The following DYNC2H1 variants were observed in gnomAD, a reference collection of about 807,000 sequenced individuals.
DYNC2H1 encodes dynein cytoplasmic 2 heavy chain 1, also known as cytoplasmic dynein 2 heavy chain 1.
Under a neutral mutation model 570.0 loss-of-function variants are expected in DYNC2H1, and 410 were observed. The ratio of observed to expected loss-of-function variants is 0.72; its 90% CI spans 0.66 to 0.78. The LOEUF is 0.78. Ranked by LOEUF, DYNC2H1 falls within the 30% of genes least tolerant of loss-of-function variation. The probability of loss-of-function intolerance (pLI) is 0.00; values close to 1 mark genes in which losing one functional copy is unlikely to be tolerated. For synonymous variants in DYNC2H1, 1,688 were observed against 1,677.6 expected (o/e 1.01, Z -0.15); for missense variants, 4,865 against 5,046.4 (o/e 0.96, Z 1.09).
In DYNC2H1 at chr11:103,465,066, A is replaced by T. The variant is rs1303968174; in HGVS notation, c.12649-3523A>T. On this transcript the variant is annotated intron_variant, in intron 87 of 88. Transcript: ENST00000375735. The surrounding 1 kb of genome is among the most constrained non-coding windows in gnomAD (Gnocchi z 4.9). ...TTATTAGAAAGTTTTACACTTAATT[A>T]CGCATTTAAAAGTAGATGGTAAAAC... Among the ~76,000 whole-genome samples, 1 of 152,204 alleles carries T rather than the reference A, an allele frequency of 6.6e-6. No homozygotes were observed. Among genetic ancestry groups the T allele is most frequent in the Non-Finnish European group, 1.5e-5 (1 of 68,018 alleles).
chr11:103,435,856 A>C, intron 84 of DYNC2H1, 87 bp from the exon 85 acceptor site: 1 of 1,361,074 alleles, frequency 7.3e-7, no homozygotes, highest in Non-Finnish European at 1.0e-6. Context: ...ATTATGCCAA[A>C]ATTTTTCTCC....
At chr11:103,179,267 G>A (rs749850295) in intron 39 of DYNC2H1, 34 bp downstream of exon 39, 7 of 1,574,256 alleles carry the variant, frequency 4.4e-6, no homozygotes, top group Non-Finnish European at 6.1e-6. Context: ...CAGTATATTA[G>A]AATATTCTTT....
chr11:103,350,372 TC>T, intron 82 of DYNC2H1, among the ~76,000 whole-genome samples: 1 of 152,310 alleles, frequency 6.6e-6, no homozygotes, highest in Admixed American at 6.5e-5. Flanking sequence ...TTAGTATTTT[TC>T]CTTTATAATT....
Position 103,110,687 on chromosome 11 carries a change from G to GAC in DYNC2H1, c.195+922_195+923dup, listed in dbSNP as rs547256063. Among the ~76,000 whole-genome samples the GAC allele has an allele frequency of 1.5e-3, 225 of 152,170 alleles. 3 individuals are homozygous for GAC. The highest frequency in any genetic ancestry group is 6.9e-3 in the Admixed American group (105 of 15,270). ...AGAAAAACACAGAAGAAAATTGCCT[G>GAC]ACACATTAAAGGGGACTCAGTAAAT... On this transcript the variant is annotated intron_variant, in intron 1 of 88. Transcript: ENST00000375735.
chr11:103,294,096 A>C (rs892723693), intron 75 of DYNC2H1, among the ~76,000 whole-genome samples: 1 of 152,118 alleles, frequency 6.6e-6, no homozygotes, highest in Admixed American at 6.5e-5. Context: ...CTCTGATATA[A>C]TTCTGATTAA....
In DYNC2H1 at chr11:103,446,037, TTTGTTG is replaced by T. The variant is rs61565760; in HGVS notation, c.12457-9122_12457-9117del. ...TGACAATATGGTAATAGAGCAGAGT[TTTGTTG>T]TTGTTGTTGTTGTTGTTGTTGTTGT... is the stretch of plus-strand genomic sequence containing the variant. On this transcript the variant is annotated intron_variant, in intron 85 of 88. Coordinates refer to ENST00000375735, the MANE Select transcript of DYNC2H1 (RefSeq NM_001377.3). This position sits in a 1 kb window ranked among gnomAD's most constrained non-coding sequence, Gnocchi z 4.5. Among the ~76,000 whole-genome samples, 53,226 of 150,424 alleles carry T rather than the reference TTTGTTG, an allele frequency of 0.35. 9,895 individuals carry two copies. Among genetic ancestry groups the T allele is most frequent in the African/African-American group, 0.47 (19,209 of 40,872 alleles).
Position 103,187,465 on chromosome 11 carries a change from C to G in DYNC2H1, c.7019C>G (p.Thr2340Ser). 2 of 1,613,282 alleles carry G rather than the reference C, an allele frequency of 1.2e-6. No homozygotes were observed. Among genetic ancestry groups the G allele is most frequent in the South Asian group, 2.2e-5 (2 of 91,064 alleles). The change falls in exon 43 of 89, where the codon ACT becomes AGT. Residue 2340 changes from threonine (T) to serine (S), a missense_variant. Physicochemically the swap from Thr to Ser is moderately conservative, Grantham distance 58. Transcript: ENST00000375735. Reference protein sequence around the residue: ...KLSQTCMVISTNTGRVYRPKD... With the variant: ...KLSQTCMVISSNTGRVYRPKD... ...AGCCAGACTTGCATGGTAATCAGTACTAATACTGGTCGTGTATACAGACCA... is the reference window on the plus strand; with the variant it reads ...AGCCAGACTTGCATGGTAATCAGTAGTAATACTGGTCGTGTATACAGACCA...
intron 87 of DYNC2H1, among the ~76,000 whole-genome samples, chr11:103,460,713 AATAT>A (rs1181876724): frequency 6.6e-6 from 1 of 151,050 alleles, no homozygotes; most frequent in Non-Finnish European, 1.5e-5. Flanking sequence ...ATATACAATG[AATAT>A]ATATTTTCAT....
At chr11:103,382,682 T>A (rs1237640985) in intron 83 of DYNC2H1, among the ~76,000 whole-genome samples, 1 of 152,186 alleles carries the variant, frequency 6.6e-6, no homozygotes, top group Admixed American at 6.5e-5. Flanking sequence ...CTTCTGAAAC[T>A]CCACAAACTA....
intron 88 of DYNC2H1, chr11:103,474,214 T>C (rs553354801): frequency 6.7e-4 from 104 of 155,814 alleles, no homozygotes; most frequent in Non-Finnish European, 1.2e-3. Flanking sequence ...AGAGTATTCA[T>C]TGGTGGCAAG....
At chr11:103,463,974 G>A (rs1359054287) in intron 87 of DYNC2H1, among the ~76,000 whole-genome samples, 3 of 152,006 alleles carry the variant, frequency 2.0e-5, no homozygotes, top group Non-Finnish European at 4.4e-5. Flanking sequence ...GATATGGAAG[G>A]GACAGTACAG....
intron 88 of DYNC2H1, chr11:103,474,092 A>G (rs564480753): frequency 2.9e-4 from 71 of 243,100 alleles, no homozygotes; most frequent in Middle Eastern, 2.2e-3. Context: ...TTCTTCAAGG[A>G]CTTATTATGA....
In DYNC2H1 at chr11:103,177,926, C is replaced by T; in HGVS notation, c.6139+106C>T. ...CAAGACTTCTACATGACCATAAAGT[C>T]ATAATTAAGTTAAAATGATGTACAT... is the stretch of plus-strand genomic sequence containing the variant. On this transcript the variant is annotated intron_variant, in intron 38 of 88. Transcript: ENST00000375735. This position sits in a 1 kb window ranked among gnomAD's most constrained non-coding sequence, Gnocchi z 4.4. 1 of 1,260,332 alleles carries T rather than the reference C, an allele frequency of 7.9e-7. No individual in the cohort carries two copies. Among genetic ancestry groups the T allele is most frequent in the East Asian group, 2.9e-5 (1 of 34,642 alleles). The allele number at this position is 1,260,332 out of a possible 1,614,324, so 78.1% of individuals were successfully genotyped here.
At chr11:103,391,114 C>G (rs772038936) in intron 83 of DYNC2H1, among the ~76,000 whole-genome samples, 8 of 152,200 alleles carry the variant, frequency 5.3e-5, no homozygotes, top group Non-Finnish European at 1.2e-4. Flanking sequence ...TTCCATTCTT[C>G]CCATCAGTTT....
In DYNC2H1 at chr11:103,286,076, A is replaced by G. The variant is rs181110176; in HGVS notation, c.10891-179A>G. Among the ~76,000 whole-genome samples, 576 of 152,318 alleles carry G rather than the reference A, an allele frequency of 3.8e-3. 3 individuals are homozygous for G. Among genetic ancestry groups the G allele is most frequent in the African/African-American group, 0.013 (552 of 41,562 alleles). On this transcript the variant is annotated intron_variant, in intron 73 of 88. Coordinates refer to ENST00000375735, the MANE Select transcript of DYNC2H1 (RefSeq NM_001377.3). Reference sequence around the variant, plus strand: ...GAAGTGTATTTTAATTCTGGCTTTAATATTAGGTGAGTTTACCATAGAGTT... The same window carrying G: ...GAAGTGTATTTTAATTCTGGCTTTAGTATTAGGTGAGTTTACCATAGAGTT...
intron 85 of DYNC2H1, among the ~76,000 whole-genome samples, chr11:103,453,303 G>C (rs1944673670): frequency 6.7e-6 from 1 of 148,354 alleles, no homozygotes; most frequent in Non-Finnish European, 1.5e-5. Flanking sequence ...CATATTTCTG[G>C]TTATTAAAGA....
At chr11:103,364,884 A>G (rs370618878) in intron 83 of DYNC2H1, among the ~76,000 whole-genome samples, 2 of 152,274 alleles carry the variant, frequency 1.3e-5, no homozygotes. Context: ...CAGGCACTGC[A>G]GGGGAGGAGC....
Position 103,155,489 on chromosome 11 carries a change from T to C in DYNC2H1, c.3732T>C (p.Ala1244=), listed in dbSNP as rs1469031960. The C allele has an allele frequency of 6.2e-7, 1 of 1,608,766 alleles. No individual in the cohort carries two copies. Among genetic ancestry groups the C allele is most frequent in the South Asian group, 1.1e-5 (1 of 89,628 alleles). ...LRVADTIVAK[A]ADLKDLNSRA... is the part of the protein sequence containing the mutation. ...TAGCTGATACAATTGTAGCCAAAGCTGCCGACCTTAAAGTATGAATCACTT... is the reference window on the plus strand; with the variant it reads ...TAGCTGATACAATTGTAGCCAAAGCCGCCGACCTTAAAGTATGAATCACTT... The change falls in exon 25 of 89, where the codon GCT becomes GCC. Residue 1244 remains alanine (A), a synonymous_variant. Transcript: ENST00000375735.
At chr11:103,385,630 A>T (rs568374246) in intron 83 of DYNC2H1, among the ~76,000 whole-genome samples, 1 of 152,326 alleles carries the variant, frequency 6.6e-6, no homozygotes, top group South Asian at 2.1e-4. Flanking sequence ...AGAGTCCTGG[A>T]GGGACTATAG....
Sources: gnomAD v4.1 joint callset for allele counts (sites outside exome capture counted in the v4.1 genomes callset) on GRCh38, gnomAD v4.1.1 for gene constraint, Gnocchi (gnomAD v3.1) non-coding constraint, MANE v1.5 for transcripts, NCBI Gene and HGNC (gene_info 2026-07-23, HGNC 2026-07-21) for gene names.